The following CYP39A1 variants were observed in gnomAD, a reference collection of about 807,000 sequenced individuals.
The protein encoded by CYP39A1 is cytochrome P450 family 39 subfamily A member 1, also known as 24-hydroxycholesterol 7-alpha-hydroxylase.
Under a neutral mutation model 58.1 loss-of-function variants are expected in CYP39A1, and 49 were observed. The ratio of observed to expected loss-of-function variants is 0.84; its 90% CI spans 0.67 to 1.07. CYP39A1 has a LOEUF of 1.07. CYP39A1 is among the 50% of genes least tolerant of loss of function. The pLI is 0.00. For missense variants in CYP39A1, 531 were observed against 539.4 expected (o/e 0.98, Z 0.16); for synonymous variants, 209 against 187.6 (o/e 1.11, Z -0.93).
chr6:46,587,100 G>T lies in CYP39A1; in HGVS notation c.1227C>A (p.Ser409Arg), dbSNP rs147963299. The change falls in exon 10 of 12, where the codon AGC becomes AGA. Residue 409 changes from serine to arginine, a missense_variant. Transcript: ENST00000275016. The stretch of plus-strand genomic sequence containing the variant: ...ACCTTGCAGGACACTGGAACTTCCC[G>T]CTTCCAAATGCCATGAAGCAGTCCA... The part of the protein sequence containing the change: ...SFLDCFMAFG[S>R]GKFQCPARWF... 2 of 1,611,496 alleles carry T rather than the reference G, an allele frequency of 1.2e-6. No homozygotes were observed. The highest frequency in any genetic ancestry group is 2.7e-5 in the African/African-American group (2 of 74,840).
chr6:46,596,148 A>G, intron 7 of CYP39A1, 28 bp from the exon 8 acceptor site: 1 of 1,569,240 alleles, frequency 6.4e-7, no homozygotes, highest in Non-Finnish European at 8.7e-7. Context: ...ATGAGAAATA[A>G]ATAGACTACA....
Position 46,550,080 on chromosome 6 carries a change from T to A in CYP39A1, c.*286A>T, listed in dbSNP as rs9958. On this transcript the variant is annotated 3_prime_UTR_variant, in exon 12 of 12. Transcript: ENST00000275016. ...TCTATTTAATGTTTTAATACAGTTA[T>A]GCATGAAATCAAATTCCAACTTCTT... The A allele has an allele frequency of 1.4e-4, 40 of 281,364 alleles. No individual in the cohort carries two copies. The highest frequency in any genetic ancestry group is 2.1e-4 in the Non-Finnish European group (32 of 152,980). 17.4% of individuals were successfully genotyped at this position (281,364 alleles called of 1,614,324 possible).
intron 5 of CYP39A1, among the ~76,000 whole-genome samples, chr6:46,632,869 G>C (rs1366523144): frequency 2.0e-5 from 3 of 151,870 alleles, no homozygotes; most frequent in Non-Finnish European, 4.4e-5. Context: ...TAGGGATTTG[G>C]AGAACTGCAT....
chr6:46,651,401 C>T (rs1303569811), intron 1 of CYP39A1, among the ~76,000 whole-genome samples: 1 of 152,150 alleles, frequency 6.6e-6, no homozygotes, highest in Non-Finnish European at 1.5e-5. Flanking sequence ...AAGTCATTCA[C>T]ATTATATGTT....
chr6:46,639,403 A>G, intron 3 of CYP39A1, 91 bp downstream of exon 3: 2 of 1,249,910 alleles, frequency 1.6e-6, no homozygotes, highest in South Asian at 2.7e-5. Context: ...TCATTAATCA[A>G]CCTGACAATG....
In CYP39A1 at chr6:46,639,543, G is replaced by C; in HGVS notation, c.439C>G (p.Leu147Val). 1.9e-6 allele frequency: 3 copies of C among 1,614,098 alleles called. No homozygotes were observed. The highest frequency in any genetic ancestry group is 2.5e-6 in the Non-Finnish European group (3 of 1,180,008). Reference protein sequence around the residue: ...GQLTEELHEQLENLGTHGTMD... With the variant: ...GQLTEELHEQVENLGTHGTMD... ...GTCCCATGAGTGCCTAAATTCTCCA[G>C]TTGTTCATGTAATTCTTCAGTCAGT... Residue 147 changes from leucine to valine, a missense_variant, in exon 3 of 12, where the codon CTG (leucine) becomes GTG (valine). By Grantham distance (32) the Leu-to-Val change is conservative. Transcript: ENST00000275016.
At chr6:46,566,554 A>G (rs565489442) in intron 10 of CYP39A1, among the ~76,000 whole-genome samples, 1 of 152,280 alleles carries the variant, frequency 6.6e-6, no homozygotes, top group African/African-American at 2.4e-5. Flanking sequence ...CTGTGATTCA[A>G]TTATATCCAC....
chr6:46,644,159 T>G (rs1229494953), intron 1 of CYP39A1, among the ~76,000 whole-genome samples: 1 of 152,196 alleles, frequency 6.6e-6, no homozygotes, highest in Non-Finnish European at 1.5e-5. Context: ...CATTAATCCT[T>G]GGCAACCACT....
intron 10 of CYP39A1, among the ~76,000 whole-genome samples, chr6:46,585,851 C>T (rs1772445649): frequency 6.6e-6 from 1 of 152,108 alleles, no homozygotes; most frequent in Non-Finnish European, 1.5e-5. Context: ...CACCATCATA[C>T]AGCTTATTCC....
chr6:46,616,706 A>C (rs73735802), intron 7 of CYP39A1, among the ~76,000 whole-genome samples: 12,792 of 152,142 alleles, frequency 0.084, 927 homozygotes, highest in Admixed American at 0.18. Flanking sequence ...TGCAACAAAT[A>C]TTTGCTGAAT....
At chr6:46,576,218 C>T (rs1159948398) in intron 10 of CYP39A1, among the ~76,000 whole-genome samples, 2 of 152,130 alleles carry the variant, frequency 1.3e-5, no homozygotes, top group South Asian at 2.1e-4. Context: ...CTAAATCATT[C>T]GTGGAAAACA....
chr6:46,570,612 C>T (rs1771534363), intron 10 of CYP39A1, among the ~76,000 whole-genome samples: 1 of 152,130 alleles, frequency 6.6e-6, no homozygotes, highest in Non-Finnish European at 1.5e-5. Flanking sequence ...CATGGTTCTG[C>T]AGGCTGTACA....
intron 7 of CYP39A1, among the ~76,000 whole-genome samples, chr6:46,601,403 C>T (rs1773492241): frequency 6.6e-6 from 1 of 152,104 alleles, no homozygotes; most frequent in South Asian, 2.1e-4. Context: ...CCACGAATGG[C>T]TTCAATACCA....
intron 10 of CYP39A1, among the ~76,000 whole-genome samples, chr6:46,571,480 T>G (rs547068909): frequency 1.3e-5 from 2 of 152,252 alleles, no homozygotes; most frequent in East Asian, 3.9e-4. Flanking sequence ...TATAATGACC[T>G]TCTTTGTCTT....
intron 1 of CYP39A1, among the ~76,000 whole-genome samples, chr6:46,646,102 ATTTTC>A (rs1050123747): frequency 5.7e-4 from 87 of 152,110 alleles, no homozygotes; most frequent in African/African-American, 2.1e-3. Flanking sequence ...ATCCATATAT[ATTTTC>A]TTTTCTTTTC....
At chr6:46,639,408 A>G in intron 3 of CYP39A1, 86 bp downstream of exon 3, 1 of 1,269,178 alleles carries the variant, frequency 7.9e-7, no homozygotes, top group Non-Finnish European at 1.1e-6. Context: ...AATCAACCTG[A>G]CAATGTTTGA....
chr6:46,585,176 C>A (rs144669975), intron 10 of CYP39A1, among the ~76,000 whole-genome samples: 1 of 152,068 alleles, frequency 6.6e-6, no homozygotes, highest in Non-Finnish European at 1.5e-5. Flanking sequence ...GTAGTAATAG[C>A]GCCTCTTGGA....
chr6:46,576,205 G>A (rs1165103596), intron 10 of CYP39A1, among the ~76,000 whole-genome samples: 2 of 152,062 alleles, frequency 1.3e-5, no homozygotes, highest in Non-Finnish European at 2.9e-5. Context: ...AAGAGGGATG[G>A]TACTAAATCA....
chr6:46,613,454 G>A (rs1307394965), intron 7 of CYP39A1, among the ~76,000 whole-genome samples: 1 of 152,154 alleles, frequency 6.6e-6, no homozygotes, highest in South Asian at 2.1e-4. Flanking sequence ...CTTTTATGAT[G>A]CATAAATCAT....
Sources: gnomAD v4.1 joint callset for allele counts (sites outside exome capture counted in the v4.1 genomes callset) on GRCh38, gnomAD v4.1.1 for gene constraint, MANE v1.5 for transcripts, NCBI Gene and HGNC (gene_info 2026-07-23, HGNC 2026-07-21) for gene names.